Variants in PLEKHM2 observed in about 807,000 individuals in gnomAD.
The protein encoded by PLEKHM2 is pleckstrin homology domain-containing family M member 2.
In PLEKHM2, 77 loss-of-function variants were observed where a neutral mutation model predicts 116.3. The ratio of observed to expected loss-of-function variants is 0.66; its 90% confidence interval spans 0.55 to 0.80. PLEKHM2 has a LOEUF of 0.80. PLEKHM2 is among the 30% of genes least tolerant of loss of function. The probability of loss-of-function intolerance (pLI) is 0.00; values close to 1 mark genes in which losing one functional copy is unlikely to be tolerated. For missense variants in PLEKHM2, 1,183 were observed against 1,354.9 expected (o/e 0.87, Z 1.99); for synonymous variants, 562 against 571.0 (o/e 0.98, Z 0.22).
chr1:15,698,537 C>G (rs552317062), intron 1 of PLEKHM2, among the ~76,000 whole-genome samples: 2 of 142,336 alleles, frequency 1.4e-5, no homozygotes, highest in African/African-American at 2.7e-5. Context: ...CTTTTTCTTT[C>G]TTTCTTTCTT....
Position 15,732,437 on chromosome 1 carries a change from T to C in PLEKHM2, c.2713T>C (p.Cys905Arg), listed in dbSNP as rs372585673. 2 of 1,591,056 alleles carry C rather than the reference T, an allele frequency of 1.3e-6. No homozygotes were observed. The highest frequency in any genetic ancestry group is 1.7e-6 in the Non-Finnish European group (2 of 1,169,242). The change falls in exon 18 of 20, where the codon TGC (cysteine) becomes CGC (arginine). Residue 905 changes from cysteine (C) to arginine (R), a missense_variant. This residue lies in a region of PLEKHM2 where 594 missense variants were observed against 720.1 expected (regional missense o/e 0.82). Transcript: ENST00000375799. ...DDRLFTCHED[C>R]QTSFFRSLGT... ...CCGCCTCTTTACGTGCCATGAGGAT[T>C]GCCAGACCAGCTTCTTCCGCTCTTT...
In PLEKHM2 at chr1:15,730,556, T is replaced by C; in HGVS notation, c.2233T>C (p.Tyr745His). Reference sequence around the variant, plus strand: ...GGCATCTGCTGTCACCGTGCGCTTCTACGGCCTTGTGCACTGGGAGGACCC... The same window carrying C: ...GGCATCTGCTGTCACCGTGCGCTTCCACGGCCTTGTGCACTGGGAGGACCC... Reference protein sequence around the residue: ...CEASAVTVRFYGLVHWEDPTD... With the variant: ...CEASAVTVRFHGLVHWEDPTD... The change falls in exon 15 of 20, where the codon TAC (tyrosine) becomes CAC (histidine). Residue 745 changes from tyrosine (Y) to histidine (H), a missense_variant. Physicochemically the swap from Tyr to His is moderately conservative, Grantham distance 83 (BLOSUM62 2). This residue lies in a region of PLEKHM2 where 594 missense variants were observed against 720.1 expected (regional missense o/e 0.82). Transcript: ENST00000375799. 1 of 1,597,970 alleles carries C rather than the reference T, an allele frequency of 6.3e-7. No homozygotes were observed. Among genetic ancestry groups the C allele is most frequent in the Non-Finnish European group, 8.5e-7 (1 of 1,173,172 alleles).
At chr1:15,694,368 C>T (rs1640948426) in intron 1 of PLEKHM2, among the ~76,000 whole-genome samples, 1 of 151,594 alleles carries the variant, frequency 6.6e-6, no homozygotes, top group Admixed American at 6.6e-5. Context: ...ACACAAAAAA[C>T]AAACAAACAA....
rs917210232 is a variant in PLEKHM2 at position 15,729,033 on chromosome 1, G to A, written c.1987-69G>A. Reference sequence around the variant, plus strand: ...TTCCTCCCCAGCAAGCGCTCAGCCTGGCCAAGCTGCCTTCTCCGCCAGGCA... The same window carrying A: ...TTCCTCCCCAGCAAGCGCTCAGCCTAGCCAAGCTGCCTTCTCCGCCAGGCA... On this transcript the variant is annotated intron_variant, in intron 12 of 19. Transcript: ENST00000375799. The surrounding 1 kb of genome is among the most constrained non-coding windows in gnomAD (Gnocchi z 4.7). The A allele has an allele frequency of 1.7e-5, 24 of 1,431,700 alleles. No individual in the cohort carries two copies. The highest frequency in any genetic ancestry group is 2.2e-5 in the Non-Finnish European group (23 of 1,037,432). The allele number at this position is 1,431,700 out of a possible 1,614,324, so 88.7% of individuals were successfully genotyped here. A position where few individuals can be genotyped will look rare whatever the true frequency, so the allele number is the denominator to read the frequency against.
In PLEKHM2 at chr1:15,717,948, G is replaced by A. The variant is rs776837720; in HGVS notation, c.333G>A (p.Arg111=). The A allele has an allele frequency of 9.4e-6, 15 of 1,600,340 alleles. No individual in the cohort carries two copies. The Admixed American group carries it at 2.6e-4, about 28-fold the overall frequency. Reference sequence around the variant, plus strand: ...AGAACTCCTTGGAGAGCTACCTGCGGTTGTTCCAGGAGAACCTGGGCCTGC... The same window carrying A: ...AGAACTCCTTGGAGAGCTACCTGCGATTGTTCCAGGAGAACCTGGGCCTGC... The part of the protein sequence containing the change: ...LNENSLESYL[R]LFQENLGLLH... Residue 111 remains arginine, a synonymous_variant, in exon 4 of 20, where the codon CGG becomes CGA. Transcript: ENST00000375799.
chr1:15,732,513 A>C lies in PLEKHM2; in HGVS notation c.2789A>C (p.Lys930Thr). The change falls in exon 18 of 20, where the codon AAG becomes ACG. Residue 930 changes from lysine to threonine, a missense_variant. Coordinates refer to ENST00000375799, the MANE Select transcript of PLEKHM2 (RefSeq NM_015164.4). ...DISAVSTEPGKEYCVLEFSQD... is the reference protein window; with the variant it reads ...DISAVSTEPGTEYCVLEFSQD... ...AGCGCCGTCTCCACCGAGCCGGGCA[A>C]GGAGTACTGCGTCTTGGTGAGCTTT... 2 of 1,609,994 alleles carry C rather than the reference A, an allele frequency of 1.2e-6. No individual in the cohort carries two copies. The highest frequency in any genetic ancestry group is 1.7e-6 in the Non-Finnish European group (2 of 1,178,440).
At chr1:15,705,374 G>A (rs1641204923) in intron 1 of PLEKHM2, among the ~76,000 whole-genome samples, 4 of 151,702 alleles carry the variant, frequency 2.6e-5, no homozygotes, top group African/African-American at 9.7e-5. Context: ...CTGAGGTAGG[G>A]TTTTGCCATG....
chr1:15,733,375 C>T (rs909122588), intron 19 of PLEKHM2, among the ~76,000 whole-genome samples: 4 of 152,274 alleles, frequency 2.6e-5, no homozygotes, highest in African/African-American at 9.6e-5. Flanking sequence ...TACCCTCTTC[C>T]TTGCCCTCCA....
At chr1:15,712,097 A>G (rs1641344902) in intron 1 of PLEKHM2, among the ~76,000 whole-genome samples, 1 of 149,544 alleles carries the variant, frequency 6.7e-6, no homozygotes, top group Admixed American at 6.7e-5. Flanking sequence ...TAGCCTGGGC[A>G]ACAAGAGCAA....
At chr1:15,732,840 T>A in intron 19 of PLEKHM2, 112 bp downstream of exon 19, 1 of 719,854 alleles carries the variant, frequency 1.4e-6, no homozygotes. Flanking sequence ...TCCAGGGTCC[T>A]GGGCACAGCC....
intron 15 of PLEKHM2, 57 bp from the exon 16 acceptor site, chr1:15,731,134 TC>T: frequency 7.7e-7 from 1 of 1,301,624 alleles, no homozygotes; most frequent in Non-Finnish European, 1.1e-6. Context: ...GGACCTGGGC[TC>T]CGCCTGGCCC....
intron 1 of PLEKHM2, among the ~76,000 whole-genome samples, chr1:15,690,329 G>A (rs973093560): frequency 6.6e-6 from 1 of 152,144 alleles, no homozygotes; most frequent in Non-Finnish European, 1.5e-5. Context: ...GCCTCCCAAA[G>A]TACAGTCGTG....
At position 15,698,859 on chromosome 1, in the gene PLEKHM2, A is replaced by T. The variant is rs141683214; in HGVS notation, c.60+14241A>T. 4.8e-3 allele frequency among the ~76,000 whole-genome samples: 726 copies of T among 152,220 alleles called. 8 individuals are homozygous for T. Among genetic ancestry groups the T allele is most frequent in the African/African-American group, 0.017 (702 of 41,544 alleles). On this transcript the variant is annotated intron_variant, in intron 1 of 19. Transcript: ENST00000375799. ...CCGCTGTGCCTGGCCAACATTTTTCATATAGAGCAACTAGCCTCATTGTTT... is the reference window on the plus strand; with the variant it reads ...CCGCTGTGCCTGGCCAACATTTTTCTTATAGAGCAACTAGCCTCATTGTTT...
At chr1:15,702,349 T>A (rs986925750) in intron 1 of PLEKHM2, among the ~76,000 whole-genome samples, 1 of 152,070 alleles carries the variant, frequency 6.6e-6, no homozygotes, top group African/African-American at 2.4e-5. Flanking sequence ...GTGGCCATCG[T>A]GGATGTAATC....
At chr1:15,699,289 C>T (rs910257411) in intron 1 of PLEKHM2, among the ~76,000 whole-genome samples, 5 of 152,054 alleles carry the variant, frequency 3.3e-5, no homozygotes, top group East Asian at 1.9e-4. Context: ...GTTTGCTGCA[C>T]CCATTAACTC....
rs770824084 is a variant in PLEKHM2, at chr1:15,727,390, G to A, written c.1318G>A (p.Gly440Ser). 2.5e-5 allele frequency: 40 copies of A among 1,602,978 alleles called. No homozygotes were observed. The highest frequency in any genetic ancestry group is 3.1e-5 in the Non-Finnish European group (37 of 1,175,538). ...AEPPDQSFRT[G>S]SPGDAPERPP... ...GCCCCCAGACCAGTCCTTTCGGACC[G>A]GCTCTCCCGGGGATGCCCCGGAGAG... is the stretch of plus-strand genomic sequence containing the variant. The change falls in exon 9 of 20, where the codon GGC (glycine) becomes AGC (serine). Residue 440 changes from glycine to serine, a missense_variant. Around this residue, in one of 3 missense-constraint regions of PLEKHM2, gnomAD observed 372 missense variants for 357.2 expected, o/e 1.04. Transcript: ENST00000375799. This position sits in a 1 kb window ranked among gnomAD's most constrained non-coding sequence, Gnocchi z 7.5.
intron 1 of PLEKHM2, among the ~76,000 whole-genome samples, chr1:15,695,524 G>T (rs540756287): frequency 3.3e-5 from 5 of 152,110 alleles, no homozygotes; most frequent in Admixed American, 1.3e-4. Context: ...GTTTTTTGGG[G>T]TTTTTTTGGA....
chr1:15,718,423 G>C, intron 4 of PLEKHM2, 115 bp from the exon 5 acceptor site: 1 of 691,378 alleles, frequency 1.4e-6, no homozygotes, highest in Non-Finnish European at 2.6e-6. Context: ...GCTGGGTGCC[G>C]TCCAAGGTGG....
chr1:15,709,697 C>A (rs757032079), intron 1 of PLEKHM2, among the ~76,000 whole-genome samples: 13 of 152,158 alleles, frequency 8.5e-5, no homozygotes, highest in Admixed American at 6.5e-5. Flanking sequence ...TTGTACTGTA[C>A]TTTTTGCAGA....
Sources: allele counts gnomAD v4.1 joint callset (sites outside exome capture counted in the v4.1 genomes callset), GRCh38; gene constraint gnomAD v4.1.1; regional missense constraint gnomAD v4.1.1; non-coding constraint Gnocchi (gnomAD v3.1); transcripts MANE v1.5; gene names NCBI Gene and HGNC (gene_info 2026-07-23, HGNC 2026-07-21).